The following SYT9 variants were observed in gnomAD, a reference collection of about 807,000 sequenced individuals.
The protein encoded by SYT9 is synaptotagmin 9.
In SYT9, 22 loss-of-function variants were observed where a neutral mutation model predicts 48.4. The observed-to-expected ratio is 0.45, with a 90% CI of 0.32 to 0.65. SYT9 has a LOEUF of 0.65. Ranked by LOEUF, SYT9 falls within the 30% of genes least tolerant of loss-of-function variation. SYT9 has a pLI of 0.03. For missense variants in SYT9, 577 were observed against 622.0 expected, an observed-to-expected ratio of 0.93 and a Z score of 0.77; for synonymous variants, 265 against 245.0, an observed-to-expected ratio of 1.08 and a Z score of -0.76.
chr11:7,367,455 C>T (rs1247205841), intron 3 of SYT9, among the ~76,000 whole-genome samples: 8 of 151,052 alleles, frequency 5.3e-5, no homozygotes, highest in Admixed American at 5.3e-4. Flanking sequence ...TTAGTGTAGA[C>T]CTCCAAGGTT....
intron 1 of SYT9, among the ~76,000 whole-genome samples, chr11:7,299,846 G>A (rs1390496675): frequency 6.6e-6 from 1 of 152,158 alleles, no homozygotes; most frequent in Admixed American, 6.5e-5. Context: ...ACTGGGTCAG[G>A]GGTCCTATGG....
At chr11:7,389,203 ATTT>A (rs1459770473) in intron 3 of SYT9, among the ~76,000 whole-genome samples, 38 of 152,228 alleles carry the variant, frequency 2.5e-4, no homozygotes, top group African/African-American at 9.1e-4. Flanking sequence ...ATATAACAGC[ATTT>A]CTGGGTCCTG....
At chr11:7,393,577 G>T (rs1205586151) in intron 3 of SYT9, among the ~76,000 whole-genome samples, 1 of 151,828 alleles carries the variant, frequency 6.6e-6, no homozygotes, top group African/African-American at 2.4e-5. Context: ...TTGTTGTTTT[G>T]TCTTTGCCAG....
At chr11:7,265,875 G>A (rs545190457) in intron 1 of SYT9, among the ~76,000 whole-genome samples, 195 of 152,106 alleles carry the variant, frequency 1.3e-3, no homozygotes, top group Middle Eastern at 3.4e-3. Flanking sequence ...TAACCATACG[G>A]TACATAAACC....
chr11:7,379,748 A>G (rs904984876), intron 3 of SYT9, among the ~76,000 whole-genome samples: 3 of 152,106 alleles, frequency 2.0e-5, no homozygotes, highest in African/African-American at 7.2e-5. Flanking sequence ...ATCTGCTTAC[A>G]TATCTCTAAA....
At chr11:7,418,807 C>T (rs1368262367) in intron 5 of SYT9, among the ~76,000 whole-genome samples, 2 of 152,116 alleles carry the variant, frequency 1.3e-5, no homozygotes, top group Non-Finnish European at 2.9e-5. Context: ...TTTTAATATG[C>T]AAAGGAAGTA....
chr11:7,344,626 G>A (rs1167337593), intron 3 of SYT9, among the ~76,000 whole-genome samples: 5 of 152,076 alleles, frequency 3.3e-5, no homozygotes, highest in Non-Finnish European at 7.4e-5. Context: ...ATATGTGTGT[G>A]TATACTATAA....
Position 7,313,882 on chromosome 11 carries a change from G to A in SYT9, c.985G>A (p.Asp329Asn). The A allele has an allele frequency of 6.2e-7, 1 of 1,614,066 alleles. No individual in the cohort carries two copies. Among genetic ancestry groups the A allele is most frequent in the Non-Finnish European group, 8.5e-7 (1 of 1,179,978 alleles). The change falls in exon 3 of 7, where the codon GAC becomes AAC. Residue 329 changes from aspartate to asparagine, a missense_variant. Physicochemically the swap from Asp to Asn is conservative, Grantham distance 23. Transcript: ENST00000318881. ...CCAAGTGGTGGTGGATCACTTCCTA[G>A]ACTTGGCTGATTTCCCCAGGGAGTG... Reference protein sequence around the residue: ...IGQVVVDHFLDLADFPRECIL... With the variant: ...IGQVVVDHFLNLADFPRECIL...
chr11:7,416,016 T>TA (rs778092882), intron 3 of SYT9, 26 bp from the exon 4 acceptor site: 1 of 1,614,002 alleles, frequency 6.2e-7, no homozygotes, highest in South Asian at 1.1e-5. Flanking sequence ...CACTTTCTAA[T>TA]ACTTTAGTTT....
intron 6 of SYT9, among the ~76,000 whole-genome samples, chr11:7,449,658 G>A (rs552013568): frequency 6.6e-6 from 1 of 152,250 alleles, no homozygotes; most frequent in Admixed American, 6.5e-5. Context: ...CTGGGGGTGT[G>A]GAAAGCACAG....
At chr11:7,325,080 G>T (rs1849406085) in intron 3 of SYT9, among the ~76,000 whole-genome samples, 1 of 152,064 alleles carries the variant, frequency 6.6e-6, no homozygotes, top group Non-Finnish European at 1.5e-5. Context: ...ATAGAGAAAT[G>T]CTTTTTAGGC....
At chr11:7,456,841 C>T (rs889245761) in intron 6 of SYT9, 2 of 152,206 alleles carry the variant, frequency 1.3e-5, no homozygotes, top group African/African-American at 4.8e-5. Context: ...GGGCCAGGCT[C>T]AGTGAGATCT....
chr11:7,423,521 T>C (rs1336352877), intron 6 of SYT9, among the ~76,000 whole-genome samples: 1 of 152,218 alleles, frequency 6.6e-6, no homozygotes, highest in Non-Finnish European at 1.5e-5. Flanking sequence ...TAACAGTGCT[T>C]GTCTCACAAG....
chr11:7,368,240 T>C (rs894930366), intron 3 of SYT9, among the ~76,000 whole-genome samples: 2 of 152,254 alleles, frequency 1.3e-5, no homozygotes, highest in African/African-American at 4.8e-5. Context: ...AATATTAGTG[T>C]ATTACCCATA....
chr11:7,313,429 A>T lies in SYT9; in HGVS notation c.532A>T (p.Asn178Tyr). ...AATCCGAAGACAACTCAACTTGTCA[A>T]ACCCGGACTTCAATATCCAGCAGCT... ...NSIRRQLNLS[N>Y]PDFNIQQLQK... The change falls in exon 3 of 7, where the codon AAC (asparagine) becomes TAC (tyrosine). Residue 178 changes from asparagine to tyrosine, a missense_variant. Asn to Tyr is a moderately radical substitution (Grantham distance 143). Coordinates refer to ENST00000318881, the MANE Select transcript of SYT9 (RefSeq NM_175733.4). The T allele has an allele frequency of 6.2e-7, 1 of 1,613,458 alleles. No homozygotes were observed. Among genetic ancestry groups the T allele is most frequent in the Non-Finnish European group, 8.5e-7 (1 of 1,179,802 alleles).
At chr11:7,259,221 G>A (rs554475029) in intron 1 of SYT9, among the ~76,000 whole-genome samples, 21 of 152,150 alleles carry the variant, frequency 1.4e-4, no homozygotes, top group African/African-American at 3.6e-4. Flanking sequence ...GTAATTACAC[G>A]TAGTAAATGC....
rs1168004113 is a variant in SYT9, at chr11:7,468,367, C to T, written c.*1567C>T. The stretch of plus-strand genomic sequence containing the variant: ...GCTATAGGCCTTTGTTTGTAGGAAG[C>T]AGTGTCATTACATTCAAGCTTCACT... On this transcript the variant is annotated 3_prime_UTR_variant, in exon 7 of 7. Transcript: ENST00000318881. 4 of 398,434 alleles carry T rather than the reference C, an allele frequency of 1.0e-5. No individual in the cohort carries two copies. Among genetic ancestry groups the T allele is most frequent in the African/African-American group, 8.2e-5 (4 of 48,628 alleles). 24.7% of individuals were successfully genotyped at this position (398,434 alleles called of 1,614,324 possible). A position where few individuals can be genotyped will look rare whatever the true frequency, so the allele number is the denominator to read the frequency against.
intron 1 of SYT9, among the ~76,000 whole-genome samples, chr11:7,296,622 A>G (rs1005196697): frequency 6.6e-6 from 1 of 152,092 alleles, no homozygotes; most frequent in Non-Finnish European, 1.5e-5. Context: ...TTTAATTTTT[A>G]GAGAAGTTTT....
chr11:7,331,017 T>A (rs1038916859), intron 3 of SYT9, among the ~76,000 whole-genome samples: 10 of 151,888 alleles, frequency 6.6e-5, no homozygotes, highest in African/African-American at 2.4e-4. Flanking sequence ...CAGGCTGGTC[T>A]CGAACTCCTG....
Sources: gnomAD v4.1 joint callset for allele counts (sites outside exome capture counted in the v4.1 genomes callset) on GRCh38, gnomAD v4.1.1 for gene constraint, MANE v1.5 for transcripts, NCBI Gene and HGNC (gene_info 2026-07-23, HGNC 2026-07-21) for gene names.